KPNA2: variants seen among roughly 807,000 people sequenced by gnomAD.
KPNA2 encodes importin subunit alpha-1.
KPNA2 carries 20 observed loss-of-function variants against 53.7 expected under a neutral mutation model. The observed-to-expected ratio is 0.37, with a 90% CI of 0.26 to 0.54. KPNA2 has a LOEUF of 0.54. KPNA2 is among the 20% of genes least tolerant of loss of function. The pLI is 0.83. For missense variants in KPNA2, 515 were observed against 640.3 expected (o/e 0.80, Z 2.11); for synonymous variants, 238 against 227.5 (o/e 1.05, Z -0.42).
intron 2 of KPNA2, 47 bp downstream of exon 2, chr17:68,037,254 A>G (rs782249044): frequency 1.9e-6 from 3 of 1,585,304 alleles, no homozygotes; most frequent in South Asian, 1.1e-5. Flanking sequence ...AAATGGGAAG[A>G]CATTTGGAAA....
At chr17:68,045,313 C>T (rs2071315791) in intron 9 of KPNA2, among the ~76,000 whole-genome samples, 1 of 152,098 alleles carries the variant, frequency 6.6e-6, no homozygotes, top group African/African-American at 2.4e-5. Flanking sequence ...TTCCATATGT[C>T]CAGTAAATCC....
chr17:68,039,074 T>A (rs2071222670), intron 3 of KPNA2, among the ~76,000 whole-genome samples: 1 of 152,138 alleles, frequency 6.6e-6, no homozygotes, highest in South Asian at 2.1e-4. Context: ...TTTTCAAATT[T>A]ATCTTTCATC....
chr17:68,042,787 C>T (rs2071275926), intron 5 of KPNA2, 118 bp from the exon 6 acceptor site: 1 of 769,170 alleles, frequency 1.3e-6, no homozygotes, highest in Admixed American at 2.2e-5. Flanking sequence ...TGGCTTGAAC[C>T]CAGGAGGCGG....
At chr17:68,043,749 A>G (rs2071292805) in intron 7 of KPNA2, 89 bp from the exon 8 acceptor site, 9 of 784,816 alleles carry the variant, frequency 1.1e-5, no homozygotes, top group Non-Finnish European at 2.0e-5. Flanking sequence ...TCAGGCCATG[A>G]TGGGCCTCTT....
intron 5 of KPNA2, among the ~76,000 whole-genome samples, chr17:68,042,614 G>A (rs985549353): frequency 2.6e-5 from 4 of 152,170 alleles, no homozygotes; most frequent in Admixed American, 2.0e-4. Context: ...CGGGCATGGT[G>A]GCTCACGCCT....
chr17:68,042,628 A>T (rs556303798), intron 5 of KPNA2, among the ~76,000 whole-genome samples: 1 of 152,212 alleles, frequency 6.6e-6, no homozygotes, highest in South Asian at 2.1e-4. Flanking sequence ...CACGCCTGTA[A>T]TCCCAGCACT....
intron 4 of KPNA2, among the ~76,000 whole-genome samples, chr17:68,041,197 T>A (rs1449274357): frequency 1.3e-5 from 2 of 152,240 alleles, no homozygotes; most frequent in Admixed American, 1.3e-4. Context: ...ATATTTATGA[T>A]ATAATAGAAA....
At chr17:68,039,211 C>T (rs1180949080) in intron 3 of KPNA2, among the ~76,000 whole-genome samples, 7 of 151,822 alleles carry the variant, frequency 4.6e-5, no homozygotes, top group Admixed American at 4.6e-4. Flanking sequence ...GCCTCCGTCT[C>T]CTGGGTTCAA....
In KPNA2 at chr17:68,043,305, A is replaced by C; in HGVS notation, c.872A>C (p.Lys291Thr). ...AATGAACGAATTGGCATGGTGGTGA[A>C]AACAGGAGTTGTGCCCCAACTTGTG... ...GPNERIGMVV[K>T]TGVVPQLVKL... The change falls in exon 7 of 11, where the codon AAA (lysine) becomes ACA (threonine). Residue 291 changes from lysine (K) to threonine (T), a missense_variant. Physicochemically the swap from Lys to Thr is moderately conservative, Grantham distance 78. Transcript: ENST00000330459. 6.2e-7 allele frequency: 1 copy of C among 1,614,186 alleles called. No individual in the cohort carries two copies. The highest frequency in any genetic ancestry group is 8.5e-7 in the Non-Finnish European group (1 of 1,180,028).
chr17:68,040,261 T>C (rs1469540657), intron 3 of KPNA2, among the ~76,000 whole-genome samples: 1 of 102,086 alleles, frequency 9.8e-6, no homozygotes. Flanking sequence ...TGCCTGGATA[T>C]TTTTTTTTTT....
intron 5 of KPNA2, 66 bp from the exon 6 acceptor site, chr17:68,042,839 G>C: frequency 7.9e-7 from 1 of 1,263,712 alleles, no homozygotes. Flanking sequence ...ACTCCAGCCT[G>C]GGCGACAGAG....
In KPNA2 at chr17:68,042,369, G is replaced by A; in HGVS notation, c.571+16G>A. The A allele has an allele frequency of 6.2e-7, 1 of 1,612,180 alleles. No individual in the cohort carries two copies. Among genetic ancestry groups the A allele is most frequent in the East Asian group, 2.2e-5 (1 of 44,858 alleles). On this transcript the variant is annotated intron_variant, in intron 5 of 10. Transcript: ENST00000330459. Reference sequence around the variant, plus strand: ...AACATTGCAGGTACTTGGACTTGAAGTTCTTTTGACTGAATGTATCTAATC... The same window carrying A: ...AACATTGCAGGTACTTGGACTTGAAATTCTTTTGACTGAATGTATCTAATC...
chr17:68,043,030 C>T (rs553955523), intron 6 of KPNA2, 31 bp downstream of exon 6: 46 of 1,608,776 alleles, frequency 2.9e-5, no homozygotes, highest in Non-Finnish European at 3.6e-5. Context: ...AAGTTACTCA[C>T]TTCTTCATTC....
intron 9 of KPNA2, 133 bp from the exon 10 acceptor site, chr17:68,045,637 CTA>C (rs2071319205): frequency 1.5e-6 from 1 of 655,832 alleles, no homozygotes; most frequent in South Asian, 2.7e-5. Context: ...GGACATAAAA[CTA>C]TGATAGGCTT....
At chr17:68,040,056 G>C (rs2071238015) in intron 3 of KPNA2, among the ~76,000 whole-genome samples, 1 of 151,646 alleles carries the variant, frequency 6.6e-6, no homozygotes, top group Non-Finnish European at 1.5e-5. Flanking sequence ...CTCCAGCCTG[G>C]GGATTGAGTG....
At chr17:68,042,737 C>A (rs538874382) in intron 5 of KPNA2, among the ~76,000 whole-genome samples, 168 bp from the exon 6 acceptor site, 1 of 151,918 alleles carries the variant, frequency 6.6e-6, no homozygotes, top group African/African-American at 2.4e-5. Context: ...AAAAAATTAG[C>A]CGGGCGTGGC....
Position 68,045,812 on chromosome 17 carries a change from T to C in KPNA2, c.1388T>C (p.Met463Thr), listed in dbSNP as rs2071322498. ...GGTGAAACTGAGAAACTTAGTATAA[T>C]GATTGAAGAATGTGGAGGCTTAGAC... ...KLGETEKLSI[M>T]IEECGGLDKI... Residue 463 changes from methionine to threonine, a missense_variant, in exon 10 of 11, where the codon ATG becomes ACG. Transcript: ENST00000330459. The C allele has an allele frequency of 6.2e-7, 1 of 1,601,866 alleles. No individual in the cohort carries two copies. The highest frequency in any genetic ancestry group is 8.5e-7 in the Non-Finnish European group (1 of 1,175,744).
rs1555705359 is a variant in KPNA2 at position 68,045,905 on chromosome 17, A to G, written c.1481A>G (p.Lys494Arg). 3 of 1,589,728 alleles carry G rather than the reference A, an allele frequency of 1.9e-6. No homozygotes were observed. The South Asian group carries it at 3.4e-5, about 18-fold the overall frequency. Residue 494 changes from lysine (K) to arginine (R), a missense_variant, in exon 10 of 11, where the codon AAG becomes AGG. Lys to Arg is a conservative substitution (Grantham distance 26, BLOSUM62 2). Coordinates refer to ENST00000330459, the MANE Select transcript of KPNA2 (RefSeq NM_002266.4). ...VYKASLSLIE[K>R]YFSVEEEEDQ... The stretch of plus-strand genomic sequence containing the variant: ...AAGGCTTCGTTAAGCTTAATTGAGA[A>G]GTATTTCTCTGTAGAGGTGAGTAAT...
At chr17:68,044,146 T>G in intron 8 of KPNA2, 75 bp downstream of exon 8, 1 of 1,382,844 alleles carries the variant, frequency 7.2e-7, no homozygotes, top group South Asian at 1.2e-5. Flanking sequence ...CTTCTTCACG[T>G]GCAAGAATCT....
Sources: gnomAD v4.1 joint callset for allele counts (sites outside exome capture counted in the v4.1 genomes callset) on GRCh38, gnomAD v4.1.1 for gene constraint, MANE v1.5 for transcripts, NCBI Gene and HGNC (gene_info 2026-07-23, HGNC 2026-07-21) for gene names.